The following CPAMD8 variants were observed in gnomAD, a reference collection of about 807,000 sequenced individuals.
The protein encoded by CPAMD8 is C3 and PZP-like alpha-2-macroglobulin domain-containing protein 8.
In CPAMD8, 146 loss-of-function variants were observed where a neutral mutation model predicts 224.7. The observed-to-expected ratio is 0.65, with a 90% CI of 0.57 to 0.75. The LOEUF is 0.75. Among genes scored for constraint, CPAMD8 ranks in the 30% least tolerant of loss-of-function variants. The pLI is 0.00. For missense variants in CPAMD8, 2,301 were observed against 2,537.5 expected (o/e 0.91, Z 2.00); for synonymous variants, 966 against 1,044.6 (o/e 0.92, Z 1.45).
rs780051435 is a variant in CPAMD8, at chr19:16,975,299, T to C, written c.1909-41A>G. 12 of 1,551,680 alleles carry C rather than the reference T, an allele frequency of 7.7e-6. No individual in the cohort carries two copies. In the Admixed American group the frequency reaches 1.5e-4, roughly 19 times the overall value. ...GACAGAGACTTGTCAGCTGAAGTTT[T>C]CTTTACAACCCAAACTGGCTCCCGT... On this transcript the variant is annotated intron_variant, in intron 16 of 41. Coordinates refer to ENST00000443236, the MANE Select transcript of CPAMD8 (RefSeq NM_015692.5).
intron 22 of CPAMD8, among the ~76,000 whole-genome samples, chr19:16,943,876 C>T (rs974122892): frequency 2.0e-5 from 3 of 152,186 alleles, no homozygotes; most frequent in African/African-American, 7.2e-5. Context: ...GGCCAGCCCT[C>T]CTATCACTCC....
At chr19:16,896,966 T>A in intron 39 of CPAMD8, 1 of 262,240 alleles carries the variant, frequency 3.8e-6, no homozygotes, top group Non-Finnish European at 7.1e-6. Flanking sequence ...CCGCGCCTCC[T>A]CCGCACTGAC....
At chr19:16,977,283 G>A in intron 15 of CPAMD8, 85 bp downstream of exon 15, 1 of 822,630 alleles carries the variant, frequency 1.2e-6, no homozygotes, top group Non-Finnish European at 2.1e-6. Context: ...ATGAGTCTCA[G>A]GTGTGCACAG....
intron 12 of CPAMD8, among the ~76,000 whole-genome samples, chr19:16,992,502 G>T (rs1345747327): frequency 2.0e-5 from 3 of 151,990 alleles, no homozygotes; most frequent in Non-Finnish European, 4.4e-5. Context: ...CCTAGGCTGG[G>T]GTGCAGTGGC....
chr19:16,928,872 A>T (rs968771092), intron 24 of CPAMD8, 70 bp downstream of exon 24: 2 of 1,313,016 alleles, frequency 1.5e-6, no homozygotes, highest in African/African-American at 2.9e-5. Flanking sequence ...GCCTGGCACC[A>T]AACAGGAAGC....
rs1299008978 is a variant in CPAMD8 at position 16,899,590 on chromosome 19, C to G, written c.4774-41G>C. ...GAAGTCAGGGTCCTCAGACTCTCTA[C>G]TTGCTTCCTCTCCCATCCCCTGGGG... On this transcript the variant is annotated intron_variant, in intron 36 of 41. Coordinates refer to ENST00000443236, the MANE Select transcript of CPAMD8 (RefSeq NM_015692.5). This position sits in a 1 kb window ranked among gnomAD's most constrained non-coding sequence, Gnocchi z 5.4. The G allele has an allele frequency of 2.1e-6, 2 of 933,462 alleles. No individual in the cohort carries two copies. Among genetic ancestry groups the G allele is most frequent in the African/African-American group, 3.2e-5 (2 of 62,110 alleles). 57.8% of individuals were successfully genotyped at this position (933,462 alleles called of 1,614,324 possible). A position where few individuals can be genotyped will look rare whatever the true frequency, so the allele number is the denominator to read the frequency against.
intron 3 of CPAMD8, among the ~76,000 whole-genome samples, chr19:17,012,346 CTTTCT>C (rs763281743): frequency 3.2e-5 from 3 of 92,642 alleles, no homozygotes; most frequent in Non-Finnish European, 7.7e-5. Context: ...TTCTTTCTTT[CTTTCT>C]TTTTTTTTTT....
intron 41 of CPAMD8, 123 bp downstream of exon 41, chr19:16,896,053 C>G: frequency 9.3e-7 from 1 of 1,075,554 alleles, no homozygotes; most frequent in African/African-American, 1.5e-5. Context: ...ACTCCCACTG[C>G]CAGTGGGGGG....
chr19:16,897,658 C>T, intron 39 of CPAMD8, 33 bp downstream of exon 39: 2 of 1,264,844 alleles, frequency 1.6e-6, no homozygotes, highest in Non-Finnish European at 1.1e-6. Context: ...TGGCAGGCCG[C>T]GGTGGGGGGC....
chr19:16,907,129 G>A lies in CPAMD8; in HGVS notation c.3862-12C>T. ...GAGCCTCTCTCCTCCTGCAGGGTGG[G>A]GTGGGAAGGTGAAACCTGGGAGGCT... On this transcript the variant is annotated splice_polypyrimidine_tract_variant and intron_variant, in intron 29 of 41. Coordinates refer to ENST00000443236, the MANE Select transcript of CPAMD8 (RefSeq NM_015692.5). 4 of 1,534,052 alleles carry A rather than the reference G, an allele frequency of 2.6e-6. No homozygotes were observed. Among genetic ancestry groups the A allele is most frequent in the Non-Finnish European group, 3.5e-6 (4 of 1,141,036 alleles).
chr19:16,912,488 C>T (rs939758563), intron 29 of CPAMD8, among the ~76,000 whole-genome samples: 5 of 152,194 alleles, frequency 3.3e-5, no homozygotes, highest in African/African-American at 1.2e-4. Flanking sequence ...GTGGCTTATG[C>T]CTGTAATCCC....
chr19:16,936,868 C>T (rs892685727), intron 23 of CPAMD8, among the ~76,000 whole-genome samples: 4 of 152,156 alleles, frequency 2.6e-5, no homozygotes, highest in Non-Finnish European at 4.4e-5. Context: ...GAGAAAAAAA[C>T]TTTTAAAGTT....
Position 16,898,532 on chromosome 19 carries a change from GT to G in CPAMD8, c.4849-539del, listed in dbSNP as rs2052124331. Among the ~76,000 whole-genome samples, 3 of 152,024 alleles carry G rather than the reference GT, an allele frequency of 2.0e-5. No individual in the cohort carries two copies. In the South Asian group the frequency reaches 6.2e-4, roughly 32 times the overall value. On this transcript the variant is annotated intron_variant, in intron 37 of 41. Coordinates refer to ENST00000443236, the MANE Select transcript of CPAMD8 (RefSeq NM_015692.5). The surrounding 1 kb of genome is among the most constrained non-coding windows in gnomAD (Gnocchi z 4.2). ...TGGGAGTCAGCACATTCACGATACT[GT>G]GCAATCATCACCTCTGTCTAGTTAC...
chr19:16,919,210 GAA>G (rs71180344), intron 27 of CPAMD8, among the ~76,000 whole-genome samples: 10 of 146,732 alleles, frequency 6.8e-5, no homozygotes, highest in Admixed American at 2.0e-4. Flanking sequence ...CTCAAAAAAA[GAA>G]AAAAAAAAAG....
intron 23 of CPAMD8, among the ~76,000 whole-genome samples, chr19:16,934,444 TATGTTCCAAA>T (rs1245361984): frequency 1.3e-5 from 2 of 152,162 alleles, no homozygotes; most frequent in African/African-American, 2.4e-5. Flanking sequence ...AGTCCAGTAA[TATGTTCCAAA>T]ATGTTCCATA....
At chr19:16,906,337 C>CCT (rs1184112502) in intron 30 of CPAMD8, among the ~76,000 whole-genome samples, 4 of 81,666 alleles carry the variant, frequency 4.9e-5, no homozygotes, top group African/African-American at 1.8e-4. Flanking sequence ...TCCTTCTTTC[C>CCT]CTTTCTTTCT....
intron 5 of CPAMD8, among the ~76,000 whole-genome samples, chr19:17,010,383 T>C (rs2056612874): frequency 6.6e-6 from 1 of 152,134 alleles, no homozygotes; most frequent in Non-Finnish European, 1.5e-5. Context: ...TACTGGCACA[T>C]GCCACCATGC....
intron 25 of CPAMD8, among the ~76,000 whole-genome samples, chr19:16,925,682 T>C (rs577198128): frequency 3.3e-5 from 5 of 152,358 alleles, no homozygotes; most frequent in South Asian, 2.1e-4. Flanking sequence ...GGCCTCTAAG[T>C]ACAACTTTGG....
intron 18 of CPAMD8, among the ~76,000 whole-genome samples, chr19:16,962,648 C>T (rs949970205): frequency 1.5e-4 from 23 of 152,094 alleles, no homozygotes; most frequent in African/African-American, 5.6e-4. Context: ...ACTTCCCCAA[C>T]CTAGCAAGGC....
Sources: allele counts gnomAD v4.1 joint callset (sites outside exome capture counted in the v4.1 genomes callset), GRCh38; gene constraint gnomAD v4.1.1; non-coding constraint Gnocchi (gnomAD v3.1); transcripts MANE v1.5; gene names NCBI Gene and HGNC (gene_info 2026-07-23, HGNC 2026-07-21).